Variants in ZNF362 observed in about 807,000 individuals in gnomAD.
ZNF362 encodes the protein rotund homolog.
A neutral mutation model predicts 42.9 loss-of-function variants in ZNF362; 11 were observed. That is an observed-to-expected ratio of 0.26 (90% confidence interval 0.16 to 0.42). ZNF362 has a LOEUF of 0.42. Ranked by LOEUF, ZNF362 falls within the 20% of genes least tolerant of loss-of-function variation. ZNF362 has a pLI of 1.00. For missense variants in ZNF362, 362 were observed against 576.2 expected, an observed-to-expected ratio of 0.63 and a Z score of 3.81; for synonymous variants, 255 against 257.3, an observed-to-expected ratio of 0.99 and a Z score of 0.09.
the ZNF362 span, among the ~76,000 whole-genome samples, chr1:33,207,825 C>A: frequency 2.9e-4 from 44 of 151,950 alleles, no homozygotes; most frequent in Admixed American, 5.2e-4. Flanking sequence ...TGTTTAAGTT[C>A]TTTGTAGATT....
chr1:33,167,106 A>G, the ZNF362 span, among the ~76,000 whole-genome samples: 4 of 151,042 alleles, frequency 2.6e-5, no homozygotes, highest in Non-Finnish European at 4.4e-5. The surrounding 1 kb of genome is among the most constrained non-coding windows in gnomAD (Gnocchi z 4.2). Context: ...GGTGGCCTCC[A>G]CTCTCAGAGT....
chr1:33,270,264 T>C (rs1016994029), intron 1 of ZNF362, among the ~76,000 whole-genome samples: 2 of 152,144 alleles, frequency 1.3e-5, no homozygotes, highest in Non-Finnish European at 2.9e-5. Flanking sequence ...GGCCCTGTAG[T>C]GCTGGGCCAG....
At chr1:33,240,171 G>A in the ZNF362 span, among the ~76,000 whole-genome samples, 1 of 152,112 alleles carries the variant, frequency 6.6e-6, no homozygotes, top group African/African-American at 2.4e-5. Flanking sequence ...AACTTTACAG[G>A]GGACTTCATC....
chr1:33,245,709 G>A, the ZNF362 span, among the ~76,000 whole-genome samples: 17 of 152,170 alleles, frequency 1.1e-4, no homozygotes, highest in Admixed American at 2.0e-4. Context: ...AGGCCCAAAC[G>A]GGAAGATCGC....
intron 6 of ZNF362, among the ~76,000 whole-genome samples, chr1:33,289,582 C>A (rs546488652): frequency 6.6e-6 from 1 of 152,130 alleles, no homozygotes; most frequent in South Asian, 2.1e-4. Flanking sequence ...GGAGGACTGT[C>A]GGTCAGTCAG....
chr1:33,171,845 G>A, the ZNF362 span, among the ~76,000 whole-genome samples: 2 of 152,046 alleles, frequency 1.3e-5, no homozygotes, highest in Non-Finnish European at 2.9e-5. Context: ...GTAGTGGTGC[G>A]ATCTTGGCTC....
chr1:33,146,890 A>T, the ZNF362 span: 21 of 438,802 alleles, frequency 4.8e-5, no homozygotes. Context: ...CCCTGAGAAG[A>T]TGGGGATGAG....
intron 8 of ZNF362, among the ~76,000 whole-genome samples, chr1:33,298,148 G>T (rs1646138512): frequency 6.6e-6 from 1 of 152,182 alleles, no homozygotes. Flanking sequence ...TGAGCCCTGG[G>T]TCACAACCTC....
At chr1:33,268,188 A>G (rs1645877701) in intron 1 of ZNF362, among the ~76,000 whole-genome samples, 1 of 152,182 alleles carries the variant, frequency 6.6e-6, no homozygotes, top group Non-Finnish European at 1.5e-5. Context: ...TTAGGAAGAC[A>G]GGACTTGGGT....
chr1:33,254,421 G>A (rs1645774537), upstream of ZNF362, among the ~76,000 whole-genome samples: 1 of 152,102 alleles, frequency 6.6e-6, no homozygotes, highest in Non-Finnish European at 1.5e-5. Flanking sequence ...GCACCCGGCC[G>A]TGTCTTTAGG....
chr1:33,159,750 C>T, the ZNF362 span: 1 of 1,613,368 alleles, frequency 6.2e-7, no homozygotes, highest in Non-Finnish European at 8.5e-7. This position sits in a 1 kb window ranked among gnomAD's most constrained non-coding sequence, Gnocchi z 4.2. Context: ...CCAGCCGCTC[C>T]TGCAGGATCT....
At chr1:33,183,009 A>G in the ZNF362 span, among the ~76,000 whole-genome samples, 1 of 152,208 alleles carries the variant, frequency 6.6e-6, no homozygotes, top group Non-Finnish European at 1.5e-5. Flanking sequence ...GCGGATGCAC[A>G]GCACTCAGCA....
chr1:33,264,982 C>G (rs530125362), intron 1 of ZNF362, among the ~76,000 whole-genome samples: 2 of 152,064 alleles, frequency 1.3e-5, no homozygotes, highest in Admixed American at 6.5e-5. Flanking sequence ...AAAACACTCA[C>G]AGCATCTACC....
the ZNF362 span, among the ~76,000 whole-genome samples, chr1:33,150,865 G>A: frequency 3.9e-5 from 6 of 152,166 alleles, no homozygotes; most frequent in Non-Finnish European, 8.8e-5. Context: ...GTGTGACAGT[G>A]GAGGGGCAGA....
At chr1:33,161,713 C>T in the ZNF362 span, among the ~76,000 whole-genome samples, 1 of 152,296 alleles carries the variant, frequency 6.6e-6, no homozygotes, top group East Asian at 1.9e-4. This position sits in a 1 kb window ranked among gnomAD's most constrained non-coding sequence, Gnocchi z 4.3. Context: ...TGGGGTCCGT[C>T]GTCCCTGCAC....
chr1:33,178,929 A>G, the ZNF362 span, among the ~76,000 whole-genome samples: 1 of 152,360 alleles, frequency 6.6e-6, no homozygotes, highest in Admixed American at 6.5e-5. Flanking sequence ...TGCAGACAGG[A>G]GAACCAAGGC....
the ZNF362 span, among the ~76,000 whole-genome samples, chr1:33,144,794 C>T: frequency 6.6e-6 from 1 of 152,148 alleles, no homozygotes; most frequent in Non-Finnish European, 1.5e-5. Context: ...GGTTCCATAC[C>T]CGTCACAGCC....
At chr1:33,297,513 CTTTT>C (rs55931056) in intron 8 of ZNF362, among the ~76,000 whole-genome samples, 22,910 of 121,020 alleles carry the variant, frequency 0.19, 2,335 homozygotes, top group South Asian at 0.3. Flanking sequence ...CATGATTCCT[CTTTT>C]TTTTTTTTTT....
intron 6 of ZNF362, among the ~76,000 whole-genome samples, chr1:33,292,969 C>T (rs1265986996): frequency 6.6e-6 from 1 of 152,220 alleles, no homozygotes; most frequent in Non-Finnish European, 1.5e-5. Flanking sequence ...GTCAGCCCAG[C>T]TTCTCTTGGC....
Sources: gnomAD v4.1 joint callset for allele counts (sites outside exome capture counted in the v4.1 genomes callset) on GRCh38, gnomAD v4.1.1 for gene constraint, Gnocchi (gnomAD v3.1) non-coding constraint, MANE v1.5 for transcripts, NCBI Gene and HGNC (gene_info 2026-07-23, HGNC 2026-07-21) for gene names.